Variants in SAMTOR observed in about 807,000 individuals in gnomAD.
SAMTOR encodes S-adenosylmethionine sensor upstream of mTORC1.
At chr7:112,842,833 G>C in the SAMTOR span, among the ~76,000 whole-genome samples, 1 of 151,882 alleles carries the variant, frequency 6.6e-6, no homozygotes, top group Non-Finnish European at 1.5e-5. Context: ...AAAGGCTAGA[G>C]GGCCAATCTT....
chr7:112,853,857 G>A, the SAMTOR span, among the ~76,000 whole-genome samples: 2 of 152,154 alleles, frequency 1.3e-5, no homozygotes, highest in African/African-American at 2.4e-5. Context: ...AATGATCTAG[G>A]CCTTATTTAT....
At chr7:112,832,462 C>T in the SAMTOR span, 8 of 726,658 alleles carry the variant, frequency 1.1e-5, no homozygotes, top group Non-Finnish European at 1.5e-5. Flanking sequence ...AATGGGTACA[C>T]AGGAAATACA....
chr7:112,925,381 A>G, the SAMTOR span, among the ~76,000 whole-genome samples: 5 of 152,232 alleles, frequency 3.3e-5, no homozygotes, highest in African/African-American at 9.6e-5. Context: ...TAAATGTATT[A>G]TATGTGCTGT....
the SAMTOR span, among the ~76,000 whole-genome samples, chr7:112,926,885 G>C: frequency 6.6e-6 from 1 of 151,984 alleles, no homozygotes; most frequent in Non-Finnish European, 1.5e-5. Context: ...AAATAAAAAT[G>C]TTTCAAACTC....
chr7:112,844,041 C>T, the SAMTOR span, among the ~76,000 whole-genome samples: 1 of 152,092 alleles, frequency 6.6e-6, no homozygotes, highest in African/African-American at 2.4e-5. Flanking sequence ...ATGATCATCT[C>T]AATAGGTGCA....
the SAMTOR span, among the ~76,000 whole-genome samples, chr7:112,864,122 T>C: frequency 3.3e-5 from 5 of 152,194 alleles, no homozygotes; most frequent in Non-Finnish European, 7.4e-5. Context: ...GTGGCCATTA[T>C]CCTCAGCAAA....
At chr7:112,866,218 G>C in the SAMTOR span, among the ~76,000 whole-genome samples, 1 of 152,120 alleles carries the variant, frequency 6.6e-6, no homozygotes, top group African/African-American at 2.4e-5. Context: ...GAGCTGAACT[G>C]AGGAAGAATG....
the SAMTOR span, among the ~76,000 whole-genome samples, chr7:112,937,680 G>C: frequency 4.7e-5 from 7 of 150,300 alleles, no homozygotes; most frequent in Non-Finnish European, 3.0e-5. Context: ...GAGAAGTCTA[G>C]ATCACCGGTG....
chr7:112,883,522 A>G, the SAMTOR span, among the ~76,000 whole-genome samples: 10 of 152,386 alleles, frequency 6.6e-5, no homozygotes, highest in East Asian at 1.2e-3. Flanking sequence ...CAAGAAGCTT[A>G]AAGTCAAAAC....
At chr7:112,882,881 T>C in the SAMTOR span, among the ~76,000 whole-genome samples, 1 of 151,466 alleles carries the variant, frequency 6.6e-6, no homozygotes, top group Non-Finnish European at 1.5e-5. Context: ...ATAAAAAGAA[T>C]GTGAAAACTG....
chr7:112,929,860 A>G, the SAMTOR span, among the ~76,000 whole-genome samples: 1 of 152,104 alleles, frequency 6.6e-6, no homozygotes, highest in Admixed American at 6.5e-5. Context: ...AAAAGACACA[A>G]TTTACTGTAC....
chr7:112,857,246 C>T, the SAMTOR span, among the ~76,000 whole-genome samples: 83 of 150,566 alleles, frequency 5.5e-4, 1 homozygote, highest in Non-Finnish European at 1.0e-3. Context: ...CGCCCACCAC[C>T]GCGCCCGGCT....
At chr7:112,877,427 G>A in the SAMTOR span, among the ~76,000 whole-genome samples, 1 of 152,114 alleles carries the variant, frequency 6.6e-6, no homozygotes, top group Non-Finnish European at 1.5e-5. Context: ...TTGTTTATGC[G>A]GGCTAAATGT....
chr7:112,838,309 T>A, the SAMTOR span, among the ~76,000 whole-genome samples: 1 of 151,976 alleles, frequency 6.6e-6, no homozygotes, highest in Non-Finnish European at 1.5e-5. Context: ...TTTACATCTA[T>A]GTTTATAAGT....
At chr7:112,844,970 A>G in the SAMTOR span, among the ~76,000 whole-genome samples, 2 of 152,192 alleles carry the variant, frequency 1.3e-5, no homozygotes, top group Non-Finnish European at 2.9e-5. Flanking sequence ...ATTTTTGACA[A>G]AGCTGACAAA....
At chr7:112,827,586 T>C in the SAMTOR span, among the ~76,000 whole-genome samples, 12 of 152,366 alleles carry the variant, frequency 7.9e-5, no homozygotes, top group African/African-American at 2.6e-4. Flanking sequence ...AAGTCCTTTA[T>C]ATAAAATGGT....
chr7:112,888,908 C>T, the SAMTOR span, among the ~76,000 whole-genome samples: 1 of 152,058 alleles, frequency 6.6e-6, no homozygotes, highest in African/African-American at 2.4e-5. Flanking sequence ...AAAGATTTCT[C>T]TTTGGGAAAC....
the SAMTOR span, among the ~76,000 whole-genome samples, chr7:112,866,475 C>T: frequency 1.4e-4 from 22 of 152,272 alleles, no homozygotes; most frequent in Non-Finnish European, 1.0e-4. Context: ...TGCCTTTGGC[C>T]GACCCACAGC....
At chr7:112,931,095 A>G in the SAMTOR span, among the ~76,000 whole-genome samples, 1 of 152,216 alleles carries the variant, frequency 6.6e-6, no homozygotes, top group Non-Finnish European at 1.5e-5. Context: ...CTGGCTGCCA[A>G]TTCTGGCTGC....
Sources: allele counts gnomAD v4.1 joint callset (sites outside exome capture counted in the v4.1 genomes callset), GRCh38; gene constraint gnomAD v4.1.1; transcripts MANE v1.5; gene names NCBI Gene and HGNC (gene_info 2026-07-23, HGNC 2026-07-21).